The following PCED1B variants were observed in gnomAD, a reference collection of about 807,000 sequenced individuals.
PCED1B encodes PC-esterase domain-containing protein 1B.
For synonymous variants in PCED1B, 251 were observed against 246.1 expected (o/e 1.02, Z -0.19); for missense variants, 573 against 573.9 (o/e 1.00, Z 0.02).
chr12:47,110,331 A>G (rs1363950349), intron 2 of PCED1B, among the ~76,000 whole-genome samples: 2 of 152,182 alleles, frequency 1.3e-5, no homozygotes, highest in Non-Finnish European at 2.9e-5. Flanking sequence ...GCTTTTGTCA[A>G]CAAAGAGGAA....
At chr12:47,205,830 A>T (rs1462210738) in intron 2 of PCED1B, 1 of 152,222 alleles carries the variant, frequency 6.6e-6, no homozygotes, top group African/African-American at 2.4e-5. Flanking sequence ...CCCACTGCGT[A>T]GACAGAGCCA....
intron 2 of PCED1B, among the ~76,000 whole-genome samples, chr12:47,169,908 T>G (rs1941667949): frequency 6.6e-6 from 1 of 151,178 alleles, no homozygotes; most frequent in African/African-American, 2.4e-5. Context: ...TTTTTTTTTT[T>G]TTTTTTTTAG....
At chr12:47,191,038 G>A (rs1942424701) in intron 2 of PCED1B, among the ~76,000 whole-genome samples, 1 of 152,190 alleles carries the variant, frequency 6.6e-6, no homozygotes, top group Admixed American at 6.5e-5. Context: ...AGGATATGAA[G>A]TTAATCACTT....
chr12:47,113,395 A>G (rs1048178957), intron 2 of PCED1B, among the ~76,000 whole-genome samples: 2 of 152,194 alleles, frequency 1.3e-5, no homozygotes, highest in Admixed American at 6.5e-5. Context: ...CTTCACAACC[A>G]TGACATGATG....
intron 2 of PCED1B, among the ~76,000 whole-genome samples, chr12:47,141,811 G>C (rs1346484751): frequency 6.6e-6 from 1 of 152,200 alleles, no homozygotes; most frequent in East Asian, 1.9e-4. Context: ...ACTGGCCTAA[G>C]TTCAGCTGCA....
chr12:47,213,484 A>G (rs1943156129), intron 2 of PCED1B, among the ~76,000 whole-genome samples: 1 of 152,238 alleles, frequency 6.6e-6, no homozygotes, highest in Non-Finnish European at 1.5e-5. Flanking sequence ...ATATGTATAT[A>G]TTTAATGGGC....
At chr12:47,131,857 T>G (rs569145634) in intron 2 of PCED1B, among the ~76,000 whole-genome samples, 3 of 151,950 alleles carry the variant, frequency 2.0e-5, no homozygotes, top group African/African-American at 7.3e-5. Context: ...TTAGTAGAGA[T>G]GGGGTTTCAC....
chr12:47,220,068 C>CAAAAAAAAAAA (rs763940625), intron 3 of PCED1B, among the ~76,000 whole-genome samples: 1 of 103,740 alleles, frequency 9.6e-6, no homozygotes, highest in South Asian at 3.1e-4. Flanking sequence ...GACACTGCCT[C>CAAAAAAAAAAA]AAAAAAAAAA....
At chr12:47,149,384 C>T (rs895047356) in intron 2 of PCED1B, among the ~76,000 whole-genome samples, 9 of 152,204 alleles carry the variant, frequency 5.9e-5, no homozygotes, top group African/African-American at 1.2e-4. Flanking sequence ...TGAGAAGCAG[C>T]GCAATAGTTG....
chr12:47,170,458 A>T (rs1459419308), intron 2 of PCED1B, among the ~76,000 whole-genome samples: 1 of 152,144 alleles, frequency 6.6e-6, no homozygotes, highest in Non-Finnish European at 1.5e-5. Flanking sequence ...CACTTCCCGG[A>T]CAGGGCAACC....
At chr12:47,234,679 G>A (rs1943915520) in intron 3 of PCED1B, among the ~76,000 whole-genome samples, 1 of 152,170 alleles carries the variant, frequency 6.6e-6, no homozygotes, top group African/African-American at 2.4e-5. Context: ...CATTCTGCTA[G>A]CACTCTCATC....
chr12:47,178,949 T>G (rs1942012926), intron 2 of PCED1B, among the ~76,000 whole-genome samples: 1 of 152,180 alleles, frequency 6.6e-6, no homozygotes, highest in African/African-American at 2.4e-5. Flanking sequence ...ATTATCTTCA[T>G]GCTGAATGTA....
At chr12:47,232,068 T>A (rs1176655661) in intron 3 of PCED1B, among the ~76,000 whole-genome samples, 3 of 152,220 alleles carry the variant, frequency 2.0e-5, no homozygotes, top group Non-Finnish European at 4.4e-5. Flanking sequence ...ATTTTACTTA[T>A]TTTTATACTC....
chr12:47,185,135 A>G (rs571404932), intron 2 of PCED1B, among the ~76,000 whole-genome samples: 1 of 152,306 alleles, frequency 6.6e-6, no homozygotes, highest in Admixed American at 6.5e-5. Flanking sequence ...AGGCCTTTAT[A>G]TGGATTGAAC....
chr12:47,140,983 A>G (rs982483217), intron 2 of PCED1B, among the ~76,000 whole-genome samples: 1 of 152,194 alleles, frequency 6.6e-6, no homozygotes, highest in Non-Finnish European at 1.5e-5. Context: ...GACAGACTAC[A>G]TGCCTCTAAG....
chr12:47,141,257 A>G (rs1940581411), intron 2 of PCED1B, among the ~76,000 whole-genome samples: 1 of 152,102 alleles, frequency 6.6e-6, no homozygotes, highest in South Asian at 2.1e-4. Context: ...GTAGCCATCC[A>G]TGGACAAAAG....
chr12:47,229,678 A>G (rs912532249), intron 3 of PCED1B, among the ~76,000 whole-genome samples: 1 of 152,210 alleles, frequency 6.6e-6, no homozygotes, highest in Non-Finnish European at 1.5e-5. Context: ...AGGTGTCACA[A>G]TCTTAACCAC....
chr12:47,146,756 CA>C (rs1237562260), intron 2 of PCED1B, among the ~76,000 whole-genome samples: 4 of 152,054 alleles, frequency 2.6e-5, no homozygotes, highest in African/African-American at 9.7e-5. Context: ...CTGGGAAACC[CA>C]AAAATTCATA....
At chr12:47,203,382 T>C (rs1357203259) in intron 2 of PCED1B, among the ~76,000 whole-genome samples, 1 of 152,190 alleles carries the variant, frequency 6.6e-6, no homozygotes, top group African/African-American at 2.4e-5. Flanking sequence ...GCCATTGTCA[T>C]TGGCTGCACA....
Sources: gnomAD v4.1 joint callset for allele counts (sites outside exome capture counted in the v4.1 genomes callset) on GRCh38, gnomAD v4.1.1 for gene constraint, MANE v1.5 for transcripts, NCBI Gene and HGNC (gene_info 2026-07-23, HGNC 2026-07-21) for gene names.